Variants in GRIK2 observed in about 807,000 individuals in gnomAD.
The protein encoded by GRIK2 is glutamate ionotropic receptor kainate type subunit 2.
In GRIK2, 32 loss-of-function variants were observed where a neutral mutation model predicts 100.3. The ratio of observed to expected loss-of-function variants is 0.32; its 90% confidence interval spans 0.24 to 0.43. The LOEUF is 0.43. GRIK2 is among the 20% of genes least tolerant of loss of function. The probability of loss-of-function intolerance (pLI) is 1.00; values close to 1 mark genes in which losing one functional copy is unlikely to be tolerated. For missense variants in GRIK2, 843 were observed against 1,114.9 expected, an observed-to-expected ratio of 0.76 and a Z score of 3.47; for synonymous variants, 417 against 389.4, an observed-to-expected ratio of 1.07 and a Z score of -0.83.
chr6:101,417,222 C>T (rs1776191382), intron 2 of GRIK2, among the ~76,000 whole-genome samples: 2 of 152,094 alleles, frequency 1.3e-5, no homozygotes, highest in South Asian at 4.1e-4. Flanking sequence ...GAAAAACATG[C>T]CACCATGATT....
intron 14 of GRIK2, among the ~76,000 whole-genome samples, chr6:101,976,873 T>C (rs991846572): frequency 1.2e-4 from 18 of 151,628 alleles, no homozygotes; most frequent in South Asian, 6.2e-4. Flanking sequence ...TTTGTAGTTG[T>C]GCAGTAGAAT....
intron 2 of GRIK2, among the ~76,000 whole-genome samples, chr6:101,614,381 A>G (rs930307800): frequency 3.3e-5 from 5 of 151,684 alleles, no homozygotes; most frequent in African/African-American, 1.2e-4. Context: ...TGATTAAACA[A>G]TTGCTTATAT....
At chr6:102,041,051 G>T (rs1029267022) in intron 15 of GRIK2, among the ~76,000 whole-genome samples, 1 of 151,422 alleles carries the variant, frequency 6.6e-6, no homozygotes, top group Non-Finnish European at 1.5e-5. Context: ...TACATTCCTG[G>T]CATATTTGTT....
At chr6:101,636,259 C>A (rs575367412) in intron 4 of GRIK2, among the ~76,000 whole-genome samples, 1 of 152,160 alleles carries the variant, frequency 6.6e-6, no homozygotes, top group African/African-American at 2.4e-5. Flanking sequence ...GAACAGAAAA[C>A]CAAACACCGC....
At chr6:101,591,848 T>C (rs1778657206) in intron 2 of GRIK2, among the ~76,000 whole-genome samples, 1 of 152,162 alleles carries the variant, frequency 6.6e-6, no homozygotes, top group African/African-American at 2.4e-5. Context: ...TCAGAGATTA[T>C]ATTCATTGGT....
At chr6:101,913,496 G>A (rs1788892678) in intron 12 of GRIK2, among the ~76,000 whole-genome samples, 1 of 151,476 alleles carries the variant, frequency 6.6e-6, no homozygotes, top group Non-Finnish European at 1.5e-5. Flanking sequence ...TGTAAGAGAT[G>A]TAAAATTAAA....
chr6:101,655,693 G>C (rs1402664828), intron 4 of GRIK2, among the ~76,000 whole-genome samples: 1 of 152,042 alleles, frequency 6.6e-6, no homozygotes, highest in Non-Finnish European at 1.5e-5. Flanking sequence ...ATGGACCATA[G>C]ACATGTACTT....
chr6:101,399,436 G>A, intron 2 of GRIK2, 44 bp downstream of exon 2: 1 of 969,906 alleles, frequency 1.0e-6, no homozygotes, highest in South Asian at 1.3e-5. Context: ...TCCGCTCCCA[G>A]GCAGCCGGAT....
At chr6:101,764,829 G>A (rs920152053) in intron 7 of GRIK2, among the ~76,000 whole-genome samples, 94 of 152,160 alleles carry the variant, frequency 6.2e-4, no homozygotes, top group Non-Finnish European at 5.9e-5. Flanking sequence ...TCTGTCCTCT[G>A]AAAACACTTT....
intron 7 of GRIK2, among the ~76,000 whole-genome samples, chr6:101,785,614 A>G (rs1468114560): frequency 6.6e-6 from 1 of 152,092 alleles, no homozygotes; most frequent in Non-Finnish European, 1.5e-5. Context: ...CTTTTCAAAA[A>G]TCAGTAGACT....
intron 12 of GRIK2, among the ~76,000 whole-genome samples, chr6:101,902,862 G>C (rs898807115): frequency 7.9e-5 from 12 of 151,776 alleles, no homozygotes; most frequent in Non-Finnish European, 2.9e-5. Flanking sequence ...GAAGAAATAG[G>C]TTCCCTCGCG....
intron 7 of GRIK2, among the ~76,000 whole-genome samples, chr6:101,767,357 C>T (rs1045448968): frequency 6.6e-6 from 1 of 151,914 alleles, no homozygotes; most frequent in African/African-American, 2.4e-5. Context: ...TTCTGTAATC[C>T]CATTACCATT....
At chr6:101,443,481 G>A (rs910006109) in intron 2 of GRIK2, among the ~76,000 whole-genome samples, 3 of 152,046 alleles carry the variant, frequency 2.0e-5, no homozygotes, top group Non-Finnish European at 4.4e-5. Flanking sequence ...ATTCATCAGG[G>A]CAAACAAGTG....
intron 2 of GRIK2, among the ~76,000 whole-genome samples, chr6:101,533,321 TAAG>T (rs750424762): frequency 5.3e-5 from 8 of 151,886 alleles, no homozygotes; most frequent in Non-Finnish European, 1.0e-4. Context: ...GAAGTGCAAT[TAAG>T]AAGGGGTAAT....
In GRIK2 at chr6:101,626,428, A is replaced by C; in HGVS notation, c.332A>C (p.His111Pro). The C allele has an allele frequency of 1.2e-6, 2 of 1,613,650 alleles. No homozygotes were observed. Among genetic ancestry groups the C allele is most frequent in the Non-Finnish European group, 1.7e-6 (2 of 1,179,846 alleles). The change falls in exon 4 of 17, where the codon CAC becomes CCC. Residue 111 changes from histidine (H) to proline (P), a missense_variant. Physicochemically the swap from His to Pro is moderately conservative, Grantham distance 77. Transcript: ENST00000369134. ...GTGGCTGCCATCTTCGGGCCTTCAC[A>C]CAGCTCATCAGCAAACGCAGTGCAG... ...LGVAAIFGPS[H>P]SSSANAVQSI... is the part of the protein sequence containing the mutation.
In GRIK2 at chr6:101,587,375, T is replaced by G. The variant is rs190691109; in HGVS notation, c.116-34574T>G. The stretch of plus-strand genomic sequence containing the variant: ...AGAATTAAATGACAGAATCTATCAA[T>G]CTATCTGTCTGTCCGTCTGTCTGTC... On this transcript the variant is annotated intron_variant, in intron 2 of 16. Coordinates refer to ENST00000369134, the MANE Select transcript of GRIK2 (RefSeq NM_021956.5). 7.8e-3 allele frequency among the ~76,000 whole-genome samples: 851 copies of G among 108,902 alleles called. 11 individuals carry two copies. The highest frequency in any genetic ancestry group is 0.022 in the African/African-American group (818 of 37,632). The allele number at this position is 108,902 out of a possible 152,430, so 71.4% of individuals were successfully genotyped here.
chr6:101,509,095 T>C (rs989258557), intron 2 of GRIK2, among the ~76,000 whole-genome samples: 20 of 149,724 alleles, frequency 1.3e-4, no homozygotes, highest in Admixed American at 4.7e-4. Flanking sequence ...GAGGCGGAGC[T>C]TGCAGTGAGC....
intron 3 of GRIK2, 32 bp from the exon 4 acceptor site, chr6:101,626,348 T>C (rs773569781): frequency 6.3e-7 from 1 of 1,580,310 alleles, no homozygotes; most frequent in Non-Finnish European, 8.6e-7. Flanking sequence ...ACCTCTCCTC[T>C]CATTATTGAC....
At chr6:101,801,186 T>A (rs113950120) in intron 8 of GRIK2, among the ~76,000 whole-genome samples, 5,069 of 152,150 alleles carry the variant, frequency 0.033, 200 homozygotes, top group African/African-American at 0.094. Flanking sequence ...GATTTGTTCT[T>A]CTGTTTTACA....
Sources: gnomAD v4.1 joint callset for allele counts (sites outside exome capture counted in the v4.1 genomes callset) on GRCh38, gnomAD v4.1.1 for gene constraint, MANE v1.5 for transcripts, NCBI Gene and HGNC (gene_info 2026-07-23, HGNC 2026-07-21) for gene names.